GLI3: variants seen among roughly 807,000 people sequenced by gnomAD.
The protein encoded by GLI3 is GLI family zinc finger 3.
Under a neutral mutation model 100.8 loss-of-function variants are expected in GLI3, and 20 were observed. The ratio of observed to expected loss-of-function variants is 0.20; its 90% CI spans 0.14 to 0.29. The LOEUF (loss-of-function observed/expected upper bound fraction) is 0.29, where lower values mean the gene tolerates loss of function less well. Ranked by LOEUF, GLI3 falls within the 10% of genes least tolerant of loss-of-function variation. The pLI, the probability that GLI3 is intolerant of heterozygous loss-of-function variation, is 1.00. For synonymous variants in GLI3, 938 were observed against 860.5 expected (o/e 1.09, Z -1.58); for missense variants, 2,040 against 2,128.5 (o/e 0.96, Z 0.82).
chr7:42,226,521 C>T (rs1788585375), intron 1 of GLI3, among the ~76,000 whole-genome samples: 1 of 152,176 alleles, frequency 6.6e-6, no homozygotes, highest in African/African-American at 2.4e-5. Context: ...AATTAATGGT[C>T]TTAAAGAATA....
intron 1 of GLI3, among the ~76,000 whole-genome samples, chr7:42,236,562 G>T (rs1349503462): frequency 6.6e-6 from 1 of 152,128 alleles, no homozygotes; most frequent in Admixed American, 6.5e-5. Context: ...CCCGAGCGCC[G>T]TGCGCGCCCG....
At position 42,148,478 on chromosome 7, in the gene GLI3, G is replaced by A; in HGVS notation, c.125-10C>T. ...CCAGGACTTTCATCCTCTAAAGAAA[G>A]AAGAAAAATGAAAGACTCTGTAAAC... is the stretch of plus-strand genomic sequence containing the variant. On this transcript the variant is annotated splice_polypyrimidine_tract_variant and intron_variant, in intron 2 of 14. Coordinates refer to ENST00000395925, the MANE Select transcript of GLI3 (RefSeq NM_000168.6). The A allele has an allele frequency of 6.2e-7, 1 of 1,612,072 alleles. No homozygotes were observed. Among genetic ancestry groups the A allele is most frequent in the Non-Finnish European group, 8.5e-7 (1 of 1,178,292 alleles).
At chr7:42,080,060 A>C (rs1583538791) in intron 3 of GLI3, among the ~76,000 whole-genome samples, 1 of 152,230 alleles carries the variant, frequency 6.6e-6, no homozygotes, top group Non-Finnish European at 1.5e-5. Context: ...CTACAATGCT[A>C]TCAAGGACAT....
At position 41,966,844 on chromosome 7, in the gene GLI3, G is replaced by T. The variant is rs1322201568; in HGVS notation, c.2432-203C>A. On this transcript the variant is annotated intron_variant, in intron 14 of 14. Transcript: ENST00000395925. This position sits in a 1 kb window ranked among gnomAD's most constrained non-coding sequence, Gnocchi z 5.8. ...AGAGAGCAGTGAGCAAGCAAGCGTG[G>T]CGGGGTGTCCATGAAGCTTCCTTTA... is the stretch of plus-strand genomic sequence containing the variant. Among the ~76,000 whole-genome samples, 1 of 152,142 alleles carries T rather than the reference G, an allele frequency of 6.6e-6. No individual in the cohort carries two copies. The highest frequency in any genetic ancestry group is 2.4e-5 in the African/African-American group (1 of 41,422).
chr7:41,966,091 C>A lies in GLI3; in HGVS notation c.2982G>T (p.Pro994=). ...AHGYGRRHLQ[P]HDAPGHGVRR... The stretch of plus-strand genomic sequence containing the variant: ...TCACGCCGTGGCCCGGCGCATCGTG[C>A]GGCTGCAGGTGGCGCCGCCCGTAGC... The change falls in exon 15 of 15, where the codon CCG becomes CCT. Residue 994 remains proline (P), a synonymous_variant. Coordinates refer to ENST00000395925, the MANE Select transcript of GLI3 (RefSeq NM_000168.6). This position sits in a 1 kb window ranked among gnomAD's most constrained non-coding sequence, Gnocchi z 5.8. 1 of 1,570,170 alleles carries A rather than the reference C, an allele frequency of 6.4e-7. No individual in the cohort carries two copies. Among genetic ancestry groups the A allele is most frequent in the East Asian group, 2.3e-5 (1 of 42,866 alleles).
At chr7:42,097,409 C>T (rs560886662) in intron 3 of GLI3, among the ~76,000 whole-genome samples, 28 of 152,292 alleles carry the variant, frequency 1.8e-4, no homozygotes, top group Non-Finnish European at 2.8e-4. Context: ...AGACCCCAGA[C>T]GGTCTCAGCC....
At chr7:42,132,163 C>T (rs1254004789) in intron 3 of GLI3, among the ~76,000 whole-genome samples, 1 of 151,970 alleles carries the variant, frequency 6.6e-6, no homozygotes, top group Non-Finnish European at 1.5e-5. Context: ...TGCAGTGGTT[C>T]AATCTCGGCT....
At chr7:41,991,498 C>A (rs1370388413) in intron 10 of GLI3, among the ~76,000 whole-genome samples, 3 of 152,198 alleles carry the variant, frequency 2.0e-5, no homozygotes, top group Non-Finnish European at 4.4e-5. Context: ...AAAGCAAAAT[C>A]TCCATACACG....
At position 42,026,378 on chromosome 7, in the gene GLI3, C is replaced by A. The variant is rs186192284; in HGVS notation, c.1063G>T (p.Val355Phe). 3 of 1,614,062 alleles carry A rather than the reference C, an allele frequency of 1.9e-6. No individual in the cohort carries two copies. Among genetic ancestry groups the A allele is most frequent in the Non-Finnish European group, 2.5e-6 (3 of 1,179,998 alleles). Residue 355 changes from valine to phenylalanine, a missense_variant, in exon 8 of 15, where the codon GTC becomes TTC. Physicochemically the swap from Val to Phe is conservative, Grantham distance 50 (BLOSUM62 -1). This residue lies in a region of GLI3 where 603 missense variants were observed against 690.9 expected (regional missense o/e 0.87). Transcript: ENST00000395925. ...ATCTGCTGATGCATGTGGAGAGAGA[C>A]GGGCGCGGAAGAGTAGGTGAAGCTC... ...ALSFTYSSAPVSLHMHQQILS... is the reference protein window; with the variant it reads ...ALSFTYSSAPFSLHMHQQILS...
intron 3 of GLI3, among the ~76,000 whole-genome samples, chr7:42,099,221 A>C (rs1209500364): frequency 6.6e-6 from 1 of 152,212 alleles, no homozygotes. Context: ...GATCAGCTTA[A>C]GGCCAAAACT....
At chr7:42,057,254 A>C (rs1391780810) in intron 4 of GLI3, among the ~76,000 whole-genome samples, 1 of 152,240 alleles carries the variant, frequency 6.6e-6, no homozygotes, top group African/African-American at 2.4e-5. Context: ...CTCCATAAAC[A>C]TCATTTATAG....
At chr7:42,199,141 C>G (rs969643612) in intron 2 of GLI3, among the ~76,000 whole-genome samples, 1 of 152,132 alleles carries the variant, frequency 6.6e-6, no homozygotes, top group Non-Finnish European at 1.5e-5. Context: ...CAAGAAGCAG[C>G]AGGGCTTTGA....
intron 3 of GLI3, among the ~76,000 whole-genome samples, chr7:42,115,075 A>G (rs575271202): frequency 3.9e-5 from 6 of 152,086 alleles, no homozygotes; most frequent in Non-Finnish European, 7.4e-5. Flanking sequence ...AGGGAAAAAA[A>G]GGGTAGGAGA....
intron 3 of GLI3, among the ~76,000 whole-genome samples, chr7:42,082,676 G>A (rs1243212485): frequency 1.3e-5 from 2 of 152,244 alleles, no homozygotes; most frequent in African/African-American, 4.8e-5. Flanking sequence ...ATGAGACATC[G>A]TATTTATATG....
At chr7:42,043,246 T>C (rs527849646) in intron 6 of GLI3, among the ~76,000 whole-genome samples, 47 of 152,314 alleles carry the variant, frequency 3.1e-4, no homozygotes, top group African/African-American at 1.1e-3. Context: ...TCTAACTAAA[T>C]AACTATTAAT....
chr7:42,023,998 T>C (rs896682033), intron 9 of GLI3, among the ~76,000 whole-genome samples: 1 of 152,126 alleles, frequency 6.6e-6, no homozygotes, highest in Admixed American at 6.5e-5. Context: ...ACCCAAAAGA[T>C]TGGTACTTCT....
In GLI3 at chr7:42,076,864, A is replaced by C. The variant is rs74376818; in HGVS notation, c.368-7T>G. 2.9e-5 allele frequency: 44 copies of C among 1,540,212 alleles called. No homozygotes were observed. The Admixed American group carries it at 3.7e-4, about 13-fold the overall frequency. ...GGGAAAAGATGAGGAGGGTCTGAAA[A>C]GAAGAGAGAGCCCAATCTATATCAA... On this transcript the variant is annotated splice_region_variant and splice_polypyrimidine_tract_variant and intron_variant, in intron 3 of 14. Coordinates refer to ENST00000395925, the MANE Select transcript of GLI3 (RefSeq NM_000168.6).
At chr7:42,215,202 C>G (rs976616049) in intron 2 of GLI3, among the ~76,000 whole-genome samples, 1 of 151,964 alleles carries the variant, frequency 6.6e-6, no homozygotes, top group Non-Finnish European at 1.5e-5. Flanking sequence ...TTCTGTGTCT[C>G]GATGGTGGTG....
chr7:42,263,890 A>G (rs565078903), intron 1 of GLI3, among the ~76,000 whole-genome samples: 16 of 152,212 alleles, frequency 1.1e-4, no homozygotes, highest in Non-Finnish European at 2.2e-4. Context: ...CAAAAACAGC[A>G]ACGACCACAA....
Sources: gnomAD v4.1 joint callset for allele counts (sites outside exome capture counted in the v4.1 genomes callset) on GRCh38, gnomAD v4.1.1 for gene constraint, gnomAD v4.1.1 regional missense constraint, Gnocchi (gnomAD v3.1) non-coding constraint, MANE v1.5 for transcripts, NCBI Gene and HGNC (gene_info 2026-07-23, HGNC 2026-07-21) for gene names.